Variants in SLC7A5 observed in about 807,000 individuals in gnomAD.
SLC7A5 encodes large neutral amino acids transporter small subunit 1.
SLC7A5 carries 23 observed loss-of-function variants against 50.2 expected under a neutral mutation model. The ratio of observed to expected loss-of-function variants is 0.46; its 90% confidence interval spans 0.33 to 0.65. The LOEUF is 0.65. Ranked by LOEUF, SLC7A5 falls within the 30% of genes least tolerant of loss-of-function variation. The pLI, the probability that SLC7A5 is intolerant of heterozygous loss-of-function variation, is 0.02. For missense variants in SLC7A5, 578 were observed against 684.4 expected, an observed-to-expected ratio of 0.84 and a Z score of 1.73; for synonymous variants, 393 against 330.6, an observed-to-expected ratio of 1.19 and a Z score of -2.05.
At chr16:87,836,019 G>T (rs958569611) in intron 8 of SLC7A5, among the ~76,000 whole-genome samples, 2 of 152,198 alleles carry the variant, frequency 1.3e-5, no homozygotes, top group Non-Finnish European at 2.9e-5. Flanking sequence ...CCCGTTTTTG[G>T]AGAAGGCAGC....
chr16:87,843,630 A>T (rs2055110847), intron 2 of SLC7A5, among the ~76,000 whole-genome samples: 1 of 152,044 alleles, frequency 6.6e-6, no homozygotes, highest in Non-Finnish European at 1.5e-5. Context: ...CCCTGGGGGC[A>T]GCACCCCTGT....
rs1180359416 is a variant in SLC7A5, at chr16:87,830,733, C to T, written c.*2237G>A. 6.6e-6 allele frequency: 1 copy of T among 152,406 alleles called. No homozygotes were observed. Among genetic ancestry groups the T allele is most frequent in the Non-Finnish European group, 1.5e-5 (1 of 68,176 alleles). 9.4% of individuals were successfully genotyped at this position (152,406 alleles called of 1,614,324 possible). On this transcript the variant is annotated 3_prime_UTR_variant, in exon 10 of 10. Coordinates refer to ENST00000261622, the MANE Select transcript of SLC7A5 (RefSeq NM_003486.7). ...AGTGTGAAGACGGACCCCAGCGGCC[C>T]CAGCCATTTCACTAGCAGCTACTTT... is the stretch of plus-strand genomic sequence containing the variant.
intron 1 of SLC7A5, among the ~76,000 whole-genome samples, chr16:87,864,097 G>C (rs1289024220): frequency 2.0e-5 from 3 of 148,528 alleles, no homozygotes; most frequent in Non-Finnish European, 4.5e-5. Flanking sequence ...TTCGAGACCA[G>C]CCTGGCCAAC....
At chr16:87,867,408 C>G (rs963456318) in intron 1 of SLC7A5, among the ~76,000 whole-genome samples, 23 of 152,234 alleles carry the variant, frequency 1.5e-4, no homozygotes, top group Admixed American at 1.2e-3. Context: ...GGCACAGGCT[C>G]TCCCCACTGC....
intron 5 of SLC7A5, 129 bp downstream of exon 5, chr16:87,839,573 G>T: frequency 7.5e-7 from 1 of 1,327,376 alleles, no homozygotes; most frequent in Non-Finnish European, 1.1e-6. Flanking sequence ...GGGTAGGGGA[G>T]GCTTAGAGAC....
At chr16:87,848,359 C>G (rs896632954) in intron 2 of SLC7A5, among the ~76,000 whole-genome samples, 1 of 152,230 alleles carries the variant, frequency 6.6e-6, no homozygotes, top group Non-Finnish European at 1.5e-5. Flanking sequence ...TGGGCTGGGA[C>G]GGCAGAGCCT....
chr16:87,847,682 C>G lies in SLC7A5; in HGVS notation c.664+4042G>C, dbSNP rs4996937. Among the ~76,000 whole-genome samples, 538 of 152,322 alleles carry G rather than the reference C, an allele frequency of 3.5e-3. 2 individuals carry two copies. The highest frequency in any genetic ancestry group is 6.2e-3 in the Non-Finnish European group (424 of 68,026). Reference sequence around the variant, plus strand: ...TGGGAACAGAGGTGTGGGCCTCCCCCCAGCAGCGCATGACCCTGCACACTG... The same window carrying G: ...TGGGAACAGAGGTGTGGGCCTCCCCGCAGCAGCGCATGACCCTGCACACTG... On this transcript the variant is annotated intron_variant, in intron 2 of 9. Transcript: ENST00000261622.
At chr16:87,840,960 G>A in intron 3 of SLC7A5, 90 bp downstream of exon 3, 1 of 887,990 alleles carries the variant, frequency 1.1e-6, no homozygotes, top group Non-Finnish European at 1.9e-6. Context: ...CCCTTTAACT[G>A]CCCCTTGATG....
chr16:87,867,071 C>T (rs148663771), intron 1 of SLC7A5, among the ~76,000 whole-genome samples: 3,421 of 151,782 alleles, frequency 0.023, 34 homozygotes, highest in African/African-American at 0.032. Context: ...AGGCGTGAGC[C>T]ACTCTGCCCG....
At chr16:87,848,402 G>A (rs538491967) in intron 2 of SLC7A5, among the ~76,000 whole-genome samples, 4 of 152,334 alleles carry the variant, frequency 2.6e-5, no homozygotes, top group East Asian at 3.9e-4. Flanking sequence ...CCCTGCAGGC[G>A]AAGGCCCAGC....
In SLC7A5 at chr16:87,834,517, G is replaced by A. The variant is rs779856735; in HGVS notation, c.1365C>T (p.Pro455=). Reference sequence around the variant, plus strand: ...TGGTGAAGCCGATGCCACACTCCACGGGTGTCTTCCAGAAGGAGACGGCGA... The same window carrying A: ...TGGTGAAGCCGATGCCACACTCCACAGGTGTCTTCCAGAAGGAGACGGCGA... ...FLIAVSFWKT[P]VECGIGFTII... Residue 455 remains proline (P), a synonymous_variant, in exon 9 of 10, where the codon CCC becomes CCT. Coordinates refer to ENST00000261622, the MANE Select transcript of SLC7A5 (RefSeq NM_003486.7). The A allele has an allele frequency of 7.5e-6, 12 of 1,595,984 alleles. No individual in the cohort carries two copies. The East Asian group carries it at 1.1e-4, about 15-fold the overall frequency.
In SLC7A5 at chr16:87,852,654, G is replaced by A. The variant is rs992275657; in HGVS notation, c.539-805C>T. ...TCTGAGCCTCTGTGTGTGTGTGTGT[G>A]TGTGTGTGTGTGTGTGTGTGTGTGT... On this transcript the variant is annotated intron_variant, in intron 1 of 9. Transcript: ENST00000261622. The surrounding 1 kb of genome is among the most constrained non-coding windows in gnomAD (Gnocchi z 4.5). 1.1e-4 allele frequency among the ~76,000 whole-genome samples: 16 copies of A among 148,482 alleles called. No homozygotes were observed. The highest frequency in any genetic ancestry group is 4.0e-4 in the African/African-American group (16 of 39,540).
At chr16:87,843,054 C>A (rs975017164) in intron 2 of SLC7A5, among the ~76,000 whole-genome samples, 2 of 152,118 alleles carry the variant, frequency 1.3e-5, no homozygotes, top group African/African-American at 4.8e-5. Context: ...CTGCCTCCCC[C>A]ATCTGGCACT....
chr16:87,846,226 C>T (rs1452285401), intron 2 of SLC7A5, among the ~76,000 whole-genome samples: 1 of 152,230 alleles, frequency 6.6e-6, no homozygotes, highest in East Asian at 1.9e-4. Flanking sequence ...CCCTGCATGA[C>T]CCTGAGACTG....
At chr16:87,858,149 C>T (rs537793354) in intron 1 of SLC7A5, among the ~76,000 whole-genome samples, 5 of 152,196 alleles carry the variant, frequency 3.3e-5, no homozygotes, top group African/African-American at 7.2e-5. Flanking sequence ...CCAGGCCACC[C>T]GGTGCTGAAA....
At chr16:87,834,857 G>A (rs1013309756) in intron 8 of SLC7A5, among the ~76,000 whole-genome samples, 4 of 152,352 alleles carry the variant, frequency 2.6e-5, no homozygotes, top group African/African-American at 4.8e-5. Context: ...GGCCTCCCAC[G>A]GGCAGGGAAG....
At chr16:87,863,833 A>G (rs1352235799) in intron 1 of SLC7A5, among the ~76,000 whole-genome samples, 1 of 151,660 alleles carries the variant, frequency 6.6e-6, no homozygotes, top group Non-Finnish European at 1.5e-5. Flanking sequence ...CCCTCTCCCA[A>G]GGCAGCCTCA....
At position 87,869,495 on chromosome 16, in the gene SLC7A5, C is replaced by T; in HGVS notation, c.-73G>A. 2 of 1,112,836 alleles carry T rather than the reference C, an allele frequency of 1.8e-6. No homozygotes were observed. The highest frequency in any genetic ancestry group is 4.6e-5 in the East Asian group (1 of 21,840). 68.9% of individuals were successfully genotyped at this position (1,112,836 alleles called of 1,614,324 possible). On this transcript the variant is annotated 5_prime_UTR_variant, in exon 1 of 10. Coordinates refer to ENST00000261622, the MANE Select transcript of SLC7A5 (RefSeq NM_003486.7). ...CGAGCAGTGTGCGCGCCGCCCGCCG[C>T]CCGCAGCTGCGTCAGGAACCCCGCC... is the stretch of plus-strand genomic sequence containing the variant.
At chr16:87,856,557 G>A (rs562667666) in intron 1 of SLC7A5, among the ~76,000 whole-genome samples, 113 of 152,324 alleles carry the variant, frequency 7.4e-4, no homozygotes, top group South Asian at 1.2e-3. Flanking sequence ...GCCCCTAGCG[G>A]AGCCAGCACC....
Sources: gnomAD v4.1 joint callset for allele counts (sites outside exome capture counted in the v4.1 genomes callset) on GRCh38, gnomAD v4.1.1 for gene constraint, Gnocchi (gnomAD v3.1) non-coding constraint, MANE v1.5 for transcripts, NCBI Gene and HGNC (gene_info 2026-07-23, HGNC 2026-07-21) for gene names.